Variants in PTK2 observed in about 807,000 individuals in gnomAD.
PTK2 encodes protein tyrosine kinase 2, also known as focal adhesion kinase 1.
PTK2 carries 45 observed loss-of-function variants against 150.1 expected under a neutral mutation model. That is an observed-to-expected ratio of 0.30 (90% confidence interval 0.24 to 0.38). PTK2 has a LOEUF of 0.38. Among genes scored for constraint, PTK2 ranks in the 10% least tolerant of loss-of-function variants. The probability of loss-of-function intolerance (pLI) is 1.00; values close to 1 mark genes in which losing one functional copy is unlikely to be tolerated. For missense variants in PTK2, 919 were observed against 1,307.3 expected (o/e 0.70, Z 4.58); for synonymous variants, 432 against 449.2 (o/e 0.96, Z 0.48).
At chr8:140,858,196 T>C (rs1157063650) in intron 5 of PTK2, among the ~76,000 whole-genome samples, 2 of 152,048 alleles carry the variant, frequency 1.3e-5, no homozygotes, top group Non-Finnish European at 2.9e-5. Flanking sequence ...CTGACCTGAA[T>C]TATGTATCCT....
chr8:140,769,675 G>T, intron 14 of PTK2, 83 bp from the exon 16 acceptor site: 5 of 822,470 alleles, frequency 6.1e-6, no homozygotes, highest in Admixed American at 2.7e-5. Flanking sequence ...GGAAGAGAGG[G>T]GAAAACACTA....
At chr8:140,972,854 CA>C (rs1277876534) in intron 1 of PTK2, among the ~76,000 whole-genome samples, 1 of 121,752 alleles carries the variant, frequency 8.2e-6, no homozygotes, top group African/African-American at 2.8e-5. Flanking sequence ...TTATTGCTGA[CA>C]AATTTCACCC....
rs75307027 is a variant in PTK2, at chr8:140,869,248, T to C, written c.363-4849A>G. On this transcript the variant is annotated intron_variant, in intron 4 of 31. Coordinates refer to ENST00000522684, the Ensembl canonical transcript of PTK2. ...GATATCTTGCCTCAATGAACACGCA[T>C]CTGCAAGTCAACTAACTGACTGGCA... Among the ~76,000 whole-genome samples the C allele has an allele frequency of 2.1e-3, 312 of 152,068 alleles. 3 individuals carry two copies. The highest frequency in any genetic ancestry group is 7.0e-3 in the African/African-American group (289 of 41,478).
At chr8:140,941,980 C>G (rs115221321) in intron 1 of PTK2, among the ~76,000 whole-genome samples, 1 of 151,992 alleles carries the variant, frequency 6.6e-6, no homozygotes, top group African/African-American at 2.4e-5. Flanking sequence ...CTTGACCACC[C>G]CCAGGTTCAA....
At chr8:140,905,601 T>C (rs983098620) in intron 2 of PTK2, among the ~76,000 whole-genome samples, 5 of 152,070 alleles carry the variant, frequency 3.3e-5, no homozygotes, top group Non-Finnish European at 7.4e-5. Flanking sequence ...CCACTGTCAA[T>C]ATTAGACAGA....
chr8:140,776,735 T>C (rs759353660), intron 14 of PTK2, among the ~76,000 whole-genome samples: 27 of 152,040 alleles, frequency 1.8e-4, no homozygotes, highest in Admixed American at 6.6e-4. Flanking sequence ...GGCGAGAACA[T>C]AGTGGCCACG....
At chr8:140,881,675 C>T (rs767404291) in intron 3 of PTK2, among the ~76,000 whole-genome samples, 8 of 152,218 alleles carry the variant, frequency 5.3e-5, no homozygotes, top group Non-Finnish European at 8.8e-5. Context: ...CAAATCATTT[C>T]TCATAATTGT....
intron 11 of PTK2, among the ~76,000 whole-genome samples, chr8:140,802,920 T>C (rs568180204): frequency 2.0e-5 from 3 of 151,962 alleles, no homozygotes; most frequent in Non-Finnish European, 4.4e-5. Context: ...GAATTAGGCA[T>C]TTCTCTGAAC....
intron 5 of PTK2, among the ~76,000 whole-genome samples, chr8:140,861,312 A>G (rs1334717190): frequency 6.6e-6 from 1 of 152,200 alleles, no homozygotes; most frequent in Non-Finnish European, 1.5e-5. Context: ...TCATGCCACT[A>G]CACTCCAGAC....
Position 140,839,015 on chromosome 8 carries a change from A to C in PTK2, c.593+7245T>G, listed in dbSNP as rs1052725425. Among the ~76,000 whole-genome samples, 22 of 151,800 alleles carry C rather than the reference A, an allele frequency of 1.4e-4. No homozygotes were observed. In the East Asian group the frequency reaches 2.3e-3, roughly 16 times the overall value. On this transcript the variant is annotated intron_variant, in intron 7 of 31. Coordinates refer to ENST00000522684, the Ensembl canonical transcript of PTK2. ...GTGAGACTCCGTCTCAAAAAAAAAA[A>C]CAAAAAAAAAACTTATAAGTAAAAG...
At chr8:140,970,343 A>C (rs2100186791) in intron 1 of PTK2, among the ~76,000 whole-genome samples, 1 of 152,262 alleles carries the variant, frequency 6.6e-6, no homozygotes, top group African/African-American at 2.4e-5. Context: ...TCCTCAGAGA[A>C]GTGAAACATC....
At chr8:140,674,379 C>A (rs145558561) in exon 29 of PTK2, 71 of 1,601,826 alleles carry the variant, frequency 4.4e-5, no homozygotes, top group Non-Finnish European at 5.8e-5. Context: ...CAGGGCGAGG[C>A]GGTTTCTTTG....
Position 140,761,267 on chromosome 8 carries a change from A to G in PTK2, c.1235-5T>C. 1 of 1,596,190 alleles carries G rather than the reference A, an allele frequency of 6.3e-7. No individual in the cohort carries two copies. The highest frequency in any genetic ancestry group is 1.1e-5 in the South Asian group (1 of 90,678). On this transcript the variant is annotated splice_polypyrimidine_tract_variant and splice_region_variant and intron_variant, in intron 15 of 31. Coordinates refer to ENST00000522684, the Ensembl canonical transcript of PTK2. ...TTTGAATCTCATAATCCCTGGCTGT[A>G]AAACATAATTCACACATCAATACTT...
At position 140,745,567 on chromosome 8, in the gene PTK2, G is replaced by C. The variant is rs143339529; in HGVS notation, c.1519-800C>G. On this transcript the variant is annotated intron_variant, in intron 18 of 31. Transcript: ENST00000522684. ...TGATGAAATCACACAATGCTCCCCC[G>C]GCCCAGTGTTTGATTCAGCAGGCCT... Among the ~76,000 whole-genome samples, 685 of 152,264 alleles carry C rather than the reference G, an allele frequency of 4.5e-3. 4 individuals are homozygous for C. The highest frequency in any genetic ancestry group is 0.016 in the African/African-American group (648 of 41,540).
chr8:140,843,196 C>G (rs2100123311), intron 7 of PTK2, among the ~76,000 whole-genome samples: 2 of 152,130 alleles, frequency 1.3e-5, no homozygotes, highest in African/African-American at 4.8e-5. Context: ...TCAAACAGAT[C>G]TTGAACTTAA....
rs1216209928 is a variant in PTK2, at chr8:140,667,711, C to T, written c.2865+558G>A. On this transcript the variant is annotated intron_variant, in intron 30 of 31. Transcript: ENST00000522684. Reference sequence around the variant, plus strand: ...GGCATGATATTTTTATTTATTTTTACTCTTTTTAAAAGAAAATTCAATGAA... The same window carrying T: ...GGCATGATATTTTTATTTATTTTTATTCTTTTTAAAAGAAAATTCAATGAA... Among the ~76,000 whole-genome samples, 3 of 152,168 alleles carry T rather than the reference C, an allele frequency of 2.0e-5. No homozygotes were observed. The East Asian group carries it at 5.8e-4, about 29-fold the overall frequency.
chr8:140,917,685 T>C (rs973613032), intron 2 of PTK2, among the ~76,000 whole-genome samples: 6 of 152,194 alleles, frequency 3.9e-5, no homozygotes, highest in African/African-American at 1.2e-4. Context: ...ACAAAGAATT[T>C]ATTCATTCAT....
chr8:140,878,195 A>G (rs2100146816), intron 4 of PTK2, among the ~76,000 whole-genome samples: 1 of 152,258 alleles, frequency 6.6e-6, no homozygotes, highest in Non-Finnish European at 1.5e-5. Flanking sequence ...CAATGAAACT[A>G]TATTCTCAAG....
intron 5 of PTK2, 150 bp downstream of exon 5, chr8:140,864,162 T>G: frequency 6.8e-6 from 3 of 443,526 alleles, no homozygotes; most frequent in Non-Finnish European, 1.2e-5. Flanking sequence ...AATTAATAAT[T>G]TCTTATTGGT....
Sources: gnomAD v4.1 joint callset for allele counts (sites outside exome capture counted in the v4.1 genomes callset) on GRCh38, gnomAD v4.1.1 for gene constraint, MANE v1.5 for transcripts, NCBI Gene and HGNC (gene_info 2026-07-23, HGNC 2026-07-21) for gene names.